Variants in RDH11 observed in about 807,000 individuals in gnomAD.
RDH11 encodes HCV core-binding protein HCBP12.
In RDH11, 19 loss-of-function variants were observed where a neutral mutation model predicts 33.4. The ratio of observed to expected loss-of-function variants is 0.57; its 90% CI spans 0.40 to 0.83. The LOEUF is 0.83. Ranked by LOEUF, RDH11 falls within the 40% of genes least tolerant of loss-of-function variation. The pLI is 0.00. For synonymous variants in RDH11, 154 were observed against 155.3 expected (o/e 0.99, Z 0.06); for missense variants, 353 against 389.0 (o/e 0.91, Z 0.78).
intron 5 of RDH11, among the ~76,000 whole-genome samples, chr14:67,688,209 T>TA (rs950105258): frequency 1.3e-5 from 2 of 152,176 alleles, no homozygotes; most frequent in Admixed American, 1.3e-4. Context: ...AGACTCCCAC[T>TA]AAAATCCATT....
intron 5 of RDH11, among the ~76,000 whole-genome samples, chr14:67,689,762 G>A (rs1398012028): frequency 6.6e-6 from 1 of 152,100 alleles, no homozygotes; most frequent in Admixed American, 6.5e-5. Flanking sequence ...TGACCAACAT[G>A]GTGAAATCCT....
chr14:67,695,693 A>C lies in RDH11; in HGVS notation c.11T>G (p.Leu4Arg). 1 of 1,614,160 alleles carries C rather than the reference A, an allele frequency of 6.2e-7. No homozygotes were observed. Among genetic ancestry groups the C allele is most frequent in the Non-Finnish European group, 8.5e-7 (1 of 1,180,016 alleles). The change falls in exon 1 of 7, where the codon CTC (leucine) becomes CGC (arginine). Residue 4 changes from leucine (L) to arginine (R), a missense_variant. Coordinates refer to ENST00000381346, the MANE Select transcript of RDH11 (RefSeq NM_016026.4). ...AAGGAGGAGCAACAGCGGGAACATGAGCTCAACCATCTCTGCCGGCTGCAG... is the reference window on the plus strand; with the variant it reads ...AAGGAGGAGCAACAGCGGGAACATGCGCTCAACCATCTCTGCCGGCTGCAG... Reference protein sequence around the residue: MVELMFPLLLLLLP... With the variant: MVERMFPLLLLLLP...
intron 2 of RDH11, 93 bp from the exon 3 acceptor site, chr14:67,692,686 A>C (rs2037766232): frequency 7.0e-7 from 1 of 1,419,244 alleles, no homozygotes; most frequent in Non-Finnish European, 9.5e-7. Flanking sequence ...TTTAAAAAAC[A>C]CACATTTTTA....
At chr14:67,679,690 C>T (rs2037588966) in intron 6 of RDH11, among the ~76,000 whole-genome samples, 2 of 152,172 alleles carry the variant, frequency 1.3e-5, no homozygotes, top group East Asian at 3.8e-4. Flanking sequence ...AGGCATGAGC[C>T]ACTGCACCCA....
At chr14:67,687,920 C>T (rs529987531) in intron 5 of RDH11, among the ~76,000 whole-genome samples, 2 of 151,936 alleles carry the variant, frequency 1.3e-5, no homozygotes, top group Non-Finnish European at 1.5e-5. Flanking sequence ...TACAGGCGCC[C>T]GCCACCACAC....
intron 5 of RDH11, among the ~76,000 whole-genome samples, chr14:67,689,654 T>C (rs1647355768): frequency 6.6e-6 from 1 of 151,966 alleles, no homozygotes; most frequent in Non-Finnish European, 1.5e-5. Flanking sequence ...TCCTAAAAGT[T>C]AAGTAATGGC....
Position 67,692,560 on chromosome 14 carries a change from T to A in RDH11, c.227A>T (p.Glu76Val), listed in dbSNP as rs1271673033. Residue 76 changes from glutamate to valine, a missense_variant, in exon 3 of 7, where the codon GAA becomes GTA. By Grantham distance (121) the Glu-to-Val change is moderately radical. Transcript: ENST00000381346. ...CTCTTTGGCCACCAATTCCCCCTTTTCCACATCCCGGCAAGCTAAATATAC... is the reference window on the plus strand; with the variant it reads ...CTCTTTGGCCACCAATTCCCCCTTTACCACATCCCGGCAAGCTAAATATAC... The part of the protein sequence containing the change: ...ARVYLACRDV[E>V]KGELVAKEIQ... 1.2e-6 allele frequency: 2 copies of A among 1,606,680 alleles called. No individual in the cohort carries two copies. The highest frequency in any genetic ancestry group is 1.7e-6 in the Non-Finnish European group (2 of 1,177,006).
intron 6 of RDH11, among the ~76,000 whole-genome samples, chr14:67,681,137 G>A (rs894169655): frequency 6.6e-6 from 1 of 152,162 alleles, no homozygotes; most frequent in African/African-American, 2.4e-5. Context: ...ATCCAACAGG[G>A]CCTTATAAAA....
At chr14:67,680,125 A>G (rs2037596430) in intron 6 of RDH11, among the ~76,000 whole-genome samples, 1 of 152,182 alleles carries the variant, frequency 6.6e-6, no homozygotes, top group Non-Finnish European at 1.5e-5. Flanking sequence ...CCAGGAATCT[A>G]TTTTCAACTA....
chr14:67,687,553 C>T (rs1009820257), intron 5 of RDH11, among the ~76,000 whole-genome samples: 5 of 149,242 alleles, frequency 3.4e-5, no homozygotes, highest in Admixed American at 1.3e-4. Context: ...CTCACCACAA[C>T]CTCTGCCTCC....
At position 67,691,358 on chromosome 14, in the gene RDH11, C is replaced by G. The variant is rs2037748641; in HGVS notation, c.350-114G>C. On this transcript the variant is annotated intron_variant, in intron 3 of 6. Transcript: ENST00000381346. ...AGGATGCAGGACTTCAATCTTCCCT[C>G]CATTTTTCCTTCATATTTATTTTCT... The G allele has an allele frequency of 4.4e-6, 3 of 678,786 alleles. No homozygotes were observed. In the South Asian group the frequency reaches 5.4e-5, roughly 12 times the overall value. The allele number at this position is 678,786 out of a possible 1,614,324, so 42.0% of individuals were successfully genotyped here. A position where few individuals can be genotyped will look rare whatever the true frequency, so the allele number is the denominator to read the frequency against.
rs896879203 is a variant in RDH11 at position 67,677,307 on chromosome 14, C to A, written c.*1014G>T. Reference sequence around the variant, plus strand: ...ATTGACCATAATTACCAATATCAGTCCCTAAGATAATTTTTCTGAATGAAG... The same window carrying A: ...ATTGACCATAATTACCAATATCAGTACCTAAGATAATTTTTCTGAATGAAG... On this transcript the variant is annotated 3_prime_UTR_variant, in exon 7 of 7. Transcript: ENST00000381346. 6.7e-6 allele frequency: 1 copy of A among 149,248 alleles called. No individual in the cohort carries two copies. Among genetic ancestry groups the A allele is most frequent in the Non-Finnish European group, 1.5e-5 (1 of 67,618 alleles). 9.2% of individuals were successfully genotyped at this position (149,248 alleles called of 1,614,324 possible).
At chr14:67,687,883 T>C (rs532360699) in intron 5 of RDH11, among the ~76,000 whole-genome samples, 1 of 152,122 alleles carries the variant, frequency 6.6e-6, no homozygotes, top group South Asian at 2.1e-4. Flanking sequence ...GCGATTCTCC[T>C]GCCTCAGCCT....
rs747505779 is a variant in RDH11, at chr14:67,695,696, T to C, written c.8A>G (p.Glu3Gly). The C allele has an allele frequency of 2.5e-6, 4 of 1,614,128 alleles. No homozygotes were observed. The South Asian group carries it at 4.4e-5, about 18-fold the overall frequency. The change falls in exon 1 of 7, where the codon GAG becomes GGG. Residue 3 changes from glutamate to glycine, a missense_variant. Transcript: ENST00000381346. Reference protein sequence around the residue: MVELMFPLLLLLL... With the variant: MVGLMFPLLLLLL... ...GAGGAGCAACAGCGGGAACATGAGC[T>C]CAACCATCTCTGCCGGCTGCAGCGG...
At chr14:67,681,776 T>C (rs753787990) in intron 6 of RDH11, among the ~76,000 whole-genome samples, 2 of 152,002 alleles carry the variant, frequency 1.3e-5, no homozygotes, top group Non-Finnish European at 2.9e-5. Flanking sequence ...ATAATAATTA[T>C]AAAATAAAAT....
At chr14:67,690,510 A>G (rs1027011693) in intron 4 of RDH11, 89 bp from the exon 5 acceptor site, 2 of 1,033,962 alleles carry the variant, frequency 1.9e-6, no homozygotes, top group Admixed American at 2.0e-5. Flanking sequence ...TGGGAGGCAG[A>G]TAATTCAGAA....
intron 6 of RDH11, among the ~76,000 whole-genome samples, chr14:67,679,434 C>T (rs968104714): frequency 6.8e-6 from 1 of 146,260 alleles, no homozygotes; most frequent in African/African-American, 2.5e-5. Context: ...GGCGGAGTCT[C>T]ACTCTGTCGC....
At chr14:67,686,028 A>G (rs1213075139) in intron 5 of RDH11, 1 of 152,140 alleles carries the variant, frequency 6.6e-6, no homozygotes, top group African/African-American at 2.4e-5. Flanking sequence ...CAAACATTAA[A>G]TGTTGGAGTT....
intron 4 of RDH11, 96 bp downstream of exon 4, chr14:67,691,044 G>A: frequency 1.2e-6 from 1 of 811,190 alleles, no homozygotes; most frequent in South Asian, 1.4e-5. Flanking sequence ...TGGTCCTGAG[G>A]TTCAATCACA....
Sources: gnomAD v4.1 joint callset for allele counts (sites outside exome capture counted in the v4.1 genomes callset) on GRCh38, gnomAD v4.1.1 for gene constraint, MANE v1.5 for transcripts, NCBI Gene and HGNC (gene_info 2026-07-23, HGNC 2026-07-21) for gene names.